LRRC38: variants seen among roughly 807,000 people sequenced by gnomAD.
The protein encoded by LRRC38 is leucine-rich repeat-containing protein 38.
Under a neutral mutation model 16.4 loss-of-function variants are expected in LRRC38, and 5 were observed. The ratio of observed to expected loss-of-function variants is 0.31; its 90% CI spans 0.16 to 0.64. The LOEUF (loss-of-function observed/expected upper bound fraction) is 0.64. Ranked by LOEUF, LRRC38 falls within the 30% of genes least tolerant of loss-of-function variation. LRRC38 has a pLI of 0.80. For synonymous variants in LRRC38, 191 were observed against 190.2 expected (o/e 1.00, Z -0.04); for missense variants, 341 against 401.8 (o/e 0.85, Z 1.29).
chr1:13,499,797 T>C (rs1362666324), intron 1 of LRRC38, among the ~76,000 whole-genome samples: 1 of 152,104 alleles, frequency 6.6e-6, no homozygotes, highest in Non-Finnish European at 1.5e-5. Flanking sequence ...CAGACCACAG[T>C]GCGACCCACG....
At chr1:13,484,275 C>G (rs367723679) in intron 1 of LRRC38, among the ~76,000 whole-genome samples, 1 of 152,112 alleles carries the variant, frequency 6.6e-6, no homozygotes, top group South Asian at 2.1e-4. Flanking sequence ...TCTCCCCACC[C>G]CATCATCCTC....
intron 1 of LRRC38, among the ~76,000 whole-genome samples, chr1:13,498,440 G>A (rs1242937527): frequency 1.3e-5 from 2 of 152,136 alleles, no homozygotes; most frequent in African/African-American, 4.8e-5. Context: ...AGACCAGCCT[G>A]AGCAACATGG....
At position 13,481,663 on chromosome 1, in the gene LRRC38, G is replaced by C. The variant is rs140623287; in HGVS notation, c.632-5564C>G. On this transcript the variant is annotated intron_variant, in intron 1 of 1. Transcript: ENST00000376085. ...GCCCGCCTTGGCCTCCCAAAGTACT[G>C]GGATTACAGGCATGAGTCACCGTGC... Among the ~76,000 whole-genome samples the C allele has an allele frequency of 5.5e-4, 83 of 152,182 alleles. 2 individuals are homozygous for C. The East Asian group carries it at 0.015, about 28-fold the overall frequency.
At chr1:13,497,466 T>C (rs1639093260) in intron 1 of LRRC38, among the ~76,000 whole-genome samples, 1 of 151,926 alleles carries the variant, frequency 6.6e-6, no homozygotes, top group Admixed American at 6.6e-5. Flanking sequence ...GATGTGAGAT[T>C]TGAGGGGCCA....
At chr1:13,484,350 C>T (rs1269722459) in intron 1 of LRRC38, among the ~76,000 whole-genome samples, 1 of 152,096 alleles carries the variant, frequency 6.6e-6, no homozygotes. Context: ...CCTGCTCCTC[C>T]CCCACTCCCA....
At chr1:13,494,278 GAC>G (rs936737881) in intron 1 of LRRC38, among the ~76,000 whole-genome samples, 15 of 152,204 alleles carry the variant, frequency 9.9e-5, no homozygotes, top group Admixed American at 7.9e-4. Context: ...TCCTCATTGA[GAC>G]ACATTTGTAG....
intron 1 of LRRC38, among the ~76,000 whole-genome samples, chr1:13,486,588 CT>C (rs34927682): frequency 0.053 from 6,759 of 127,616 alleles, 123 homozygotes; most frequent in Middle Eastern, 0.086. Flanking sequence ...CTTGGTGTAC[CT>C]TTTTTTTTTT....
intron 1 of LRRC38, among the ~76,000 whole-genome samples, chr1:13,512,472 A>G (rs1639283672): frequency 6.6e-6 from 1 of 151,954 alleles, no homozygotes; most frequent in African/African-American, 2.4e-5. Flanking sequence ...AATCTTCCTC[A>G]CCCATATTAG....
At chr1:13,490,885 C>A (rs566323250) in intron 1 of LRRC38, among the ~76,000 whole-genome samples, 1 of 152,058 alleles carries the variant, frequency 6.6e-6, no homozygotes, top group Non-Finnish European at 1.5e-5. Flanking sequence ...GTGGGCTCGC[C>A]GGCACGCTAG....
intron 1 of LRRC38, among the ~76,000 whole-genome samples, chr1:13,485,304 A>G (rs1385892990): frequency 5.4e-5 from 8 of 147,210 alleles, no homozygotes; most frequent in Non-Finnish European, 1.0e-4. Context: ...ACGGCCAGGC[A>G]CAGTGGCTCA....
At chr1:13,512,929 C>T in intron 1 of LRRC38, 34 bp downstream of exon 1, 11 of 1,184,636 alleles carry the variant, frequency 9.3e-6, no homozygotes, top group Admixed American at 2.3e-5. Flanking sequence ...CTGCCCCCCT[C>T]CCTCCCTCCC....
intron 1 of LRRC38, among the ~76,000 whole-genome samples, chr1:13,481,675 A>C (rs190542034): frequency 6.6e-6 from 1 of 151,958 alleles, no homozygotes; most frequent in Non-Finnish European, 1.5e-5. Flanking sequence ...GATTACAGGC[A>C]TGAGTCACCG....
intron 1 of LRRC38, among the ~76,000 whole-genome samples, chr1:13,500,430 C>G (rs1417163173): frequency 6.6e-6 from 1 of 152,212 alleles, no homozygotes; most frequent in African/African-American, 2.4e-5. Context: ...CCTACTGTTT[C>G]ACTAAGCCAC....
intron 1 of LRRC38, among the ~76,000 whole-genome samples, chr1:13,477,224 A>G (rs2100486494): frequency 6.6e-6 from 1 of 152,360 alleles, no homozygotes; most frequent in East Asian, 1.9e-4. Context: ...CTACTCTCAG[A>G]GAGTTTAAAT....
chr1:13,479,531 T>C (rs1230265345), intron 1 of LRRC38, among the ~76,000 whole-genome samples: 2 of 152,258 alleles, frequency 1.3e-5, no homozygotes, highest in African/African-American at 4.8e-5. Context: ...GAGACTCATC[T>C]TGGCATTTTT....
chr1:13,475,720 CG>C lies in LRRC38; in HGVS notation c.*125del, dbSNP rs1316069078. 3.1e-5 allele frequency: 39 copies of C among 1,273,268 alleles called. No individual in the cohort carries two copies. The highest frequency in any genetic ancestry group is 3.8e-5 in the Non-Finnish European group (36 of 941,002). The allele number at this position is 1,273,268 out of a possible 1,614,324, so 78.9% of individuals were successfully genotyped here. ...GCAGGTGTACCCAGGGGCCAAGACA[CG>C]GAACAGGCTCTGTTCAGTTCACAGA... On this transcript the variant is annotated 3_prime_UTR_variant, in exon 2 of 2. Transcript: ENST00000376085. The surrounding 1 kb of genome is among the most constrained non-coding windows in gnomAD (Gnocchi z 4.3).
chr1:13,502,094 A>ATTTT (rs58436602), intron 1 of LRRC38, among the ~76,000 whole-genome samples: 20 of 133,896 alleles, frequency 1.5e-4, no homozygotes, highest in African/African-American at 4.2e-4. Flanking sequence ...CGCCCAGCCA[A>ATTTT]TTTTTTTTTT....
intron 1 of LRRC38, among the ~76,000 whole-genome samples, chr1:13,505,371 C>T (rs1318887036): frequency 6.6e-6 from 1 of 152,244 alleles, no homozygotes; most frequent in Non-Finnish European, 1.5e-5. Flanking sequence ...ACCCTGAGAA[C>T]ATGCATTCTG....
intron 1 of LRRC38, among the ~76,000 whole-genome samples, chr1:13,508,397 G>A (rs1639236244): frequency 6.6e-6 from 1 of 152,200 alleles, no homozygotes; most frequent in African/African-American, 2.4e-5. Context: ...AACAGGGGAT[G>A]GGTCCAATTA....
Sources: gnomAD v4.1 joint callset for allele counts (sites outside exome capture counted in the v4.1 genomes callset) on GRCh38, gnomAD v4.1.1 for gene constraint, Gnocchi (gnomAD v3.1) non-coding constraint, MANE v1.5 for transcripts, NCBI Gene and HGNC (gene_info 2026-07-23, HGNC 2026-07-21) for gene names.